MALRD1: variants seen among roughly 807,000 people sequenced by gnomAD.
MALRD1 encodes the protein MAM and LDL-receptor class A domain-containing protein 1.
In MALRD1, 247 loss-of-function variants were observed where a neutral mutation model predicts 242.1. That is an observed-to-expected ratio of 1.02 (90% confidence interval 0.92 to 1.13). The LOEUF (loss-of-function observed/expected upper bound fraction) is 1.13. Ranked by LOEUF, MALRD1 falls within the 50% of genes most tolerant of loss-of-function variation. MALRD1 has a pLI of 0.00. For missense variants in MALRD1, 2,989 were observed against 2,533.1 expected (o/e 1.18, Z -3.86); for synonymous variants, 995 against 866.6 (o/e 1.15, Z -2.60).
At chr10:19,232,534 G>T (rs1197651765) in intron 18 of MALRD1, among the ~76,000 whole-genome samples, 1 of 151,948 alleles carries the variant, frequency 6.6e-6, no homozygotes, top group African/African-American at 2.4e-5. Flanking sequence ...AGTCTCCTTG[G>T]ACTCAAACCA....
At chr10:19,489,648 G>A (rs1837395004) in intron 29 of MALRD1, among the ~76,000 whole-genome samples, 2 of 152,090 alleles carry the variant, frequency 1.3e-5, no homozygotes, top group Admixed American at 1.3e-4. Flanking sequence ...ATTGAATTAT[G>A]GGATGCTTTC....
chr10:19,571,650 A>C (rs1012641273), intron 33 of MALRD1, among the ~76,000 whole-genome samples: 1 of 152,154 alleles, frequency 6.6e-6, no homozygotes, highest in Non-Finnish European at 1.5e-5. Flanking sequence ...AGGACCTACC[A>C]CAATGAATGT....
At chr10:19,347,745 A>G in intron 24 of MALRD1, 26 bp from the exon 25 acceptor site, 4 of 1,547,682 alleles carry the variant, frequency 2.6e-6, no homozygotes, top group Non-Finnish European at 3.5e-6. Flanking sequence ...CATTTTCTGT[A>G]ACATATATTT....
At chr10:19,637,641 A>G (rs1332595659) in intron 36 of MALRD1, among the ~76,000 whole-genome samples, 1 of 152,138 alleles carries the variant, frequency 6.6e-6, no homozygotes, top group Non-Finnish European at 1.5e-5. Flanking sequence ...GAAAAAAGAA[A>G]TGCCTTAGCC....
At chr10:19,389,977 C>T (rs576398775) in intron 28 of MALRD1, among the ~76,000 whole-genome samples, 1 of 152,220 alleles carries the variant, frequency 6.6e-6, no homozygotes, top group South Asian at 2.1e-4. Context: ...CTATAGGTGG[C>T]ATGTGGCCTG....
At chr10:19,720,664 A>G (rs565959731) in intron 38 of MALRD1, among the ~76,000 whole-genome samples, 2 of 152,040 alleles carry the variant, frequency 1.3e-5, no homozygotes, top group East Asian at 1.9e-4. Context: ...CCCTTCTCCA[A>G]CTTCCTACTT....
chr10:19,347,885 A>G lies in MALRD1; in HGVS notation c.4016A>G (p.Glu1339Gly). Residue 1339 changes from glutamate (E) to glycine (G), a missense_variant, in exon 25 of 40, where the codon GAG becomes GGG. Physicochemically the swap from Glu to Gly is moderately conservative, Grantham distance 98. Transcript: ENST00000454679. ...KASSIPAAGT[E>G]PAADHTLGNS... ...AGCAGCATCCCTGCAGCAGGCACAG[A>G]GCCAGCAGCAGATCACACTTTGGGA... 2 of 1,550,444 alleles carry G rather than the reference A, an allele frequency of 1.3e-6. No homozygotes were observed. The highest frequency in any genetic ancestry group is 1.7e-6 in the Non-Finnish European group (2 of 1,146,846).
chr10:19,622,661 C>T (rs767424671), intron 36 of MALRD1, among the ~76,000 whole-genome samples: 2 of 123,162 alleles, frequency 1.6e-5, no homozygotes, highest in Non-Finnish European at 3.2e-5. Flanking sequence ...AAAAAAAAAA[C>T]AAACTATGAG....
intron 36 of MALRD1, among the ~76,000 whole-genome samples, chr10:19,670,085 C>T (rs1454992454): frequency 6.6e-6 from 1 of 151,616 alleles, no homozygotes; most frequent in Non-Finnish European, 1.5e-5. Flanking sequence ...CACACACACA[C>T]ACACACAAAC....
chr10:19,378,907 G>T (rs1417699037), intron 26 of MALRD1, among the ~76,000 whole-genome samples: 1 of 152,022 alleles, frequency 6.6e-6, no homozygotes. Flanking sequence ...TACATGTGTT[G>T]TAGAATTCAT....
At chr10:19,275,167 A>T (rs1368269069) in intron 19 of MALRD1, among the ~76,000 whole-genome samples, 1 of 152,092 alleles carries the variant, frequency 6.6e-6, no homozygotes, top group Non-Finnish European at 1.5e-5. Context: ...TTAGTGGTGG[A>T]GTCATGTATC....
intron 28 of MALRD1, among the ~76,000 whole-genome samples, chr10:19,394,884 A>G (rs1178076313): frequency 6.6e-6 from 1 of 152,202 alleles, no homozygotes; most frequent in Non-Finnish European, 1.5e-5. Flanking sequence ...TTATTTTGAT[A>G]TTGACAAGCT....
At position 19,429,824 on chromosome 10, in the gene MALRD1, G is replaced by A. The variant is rs142046360; in HGVS notation, c.4846-20483G>A. 2.3e-3 allele frequency among the ~76,000 whole-genome samples: 349 copies of A among 151,888 alleles called. 1 individual carries two copies. Among genetic ancestry groups the A allele is most frequent in the African/African-American group, 7.8e-3 (323 of 41,410 alleles). ...TTCAATGTGACCCTTCAATTCTCCC[G>A]CTTATTCCAAGGCCATGCCTACTCT... On this transcript the variant is annotated intron_variant, in intron 28 of 39. Transcript: ENST00000454679.
chr10:19,135,182 T>C (rs1833286285), intron 9 of MALRD1, among the ~76,000 whole-genome samples: 1 of 152,036 alleles, frequency 6.6e-6, no homozygotes, highest in African/African-American at 2.4e-5. Flanking sequence ...TGAAATGGAG[T>C]CTTGCTCTGT....
intron 26 of MALRD1, among the ~76,000 whole-genome samples, chr10:19,384,141 T>TA (rs1845954634): frequency 6.6e-6 from 1 of 150,962 alleles, no homozygotes; most frequent in African/African-American, 2.4e-5. Context: ...CATCCTTTCA[T>TA]ATATACATAT....
chr10:19,386,620 C>A (rs1461739398), intron 26 of MALRD1, among the ~76,000 whole-genome samples: 1 of 152,016 alleles, frequency 6.6e-6, no homozygotes, highest in African/African-American at 2.4e-5. Context: ...TTCCCTCATT[C>A]ATGTATTTGA....
At position 19,237,684 on chromosome 10, in the gene MALRD1, TTATA is replaced by T. The variant is rs1372203632; in HGVS notation, c.2992-19995_2992-19992del. Among the ~76,000 whole-genome samples, 290 of 120,498 alleles carry T rather than the reference TTATA, an allele frequency of 2.4e-3. 2 individuals carry two copies. The highest frequency in any genetic ancestry group is 7.4e-3 in the Admixed American group (70 of 9,472). The allele number at this position is 120,498 out of a possible 152,430, so 79.1% of individuals were successfully genotyped here. A position where few individuals can be genotyped will look rare whatever the true frequency, so the allele number is the denominator to read the frequency against. On this transcript the variant is annotated intron_variant, in intron 18 of 39. Coordinates refer to ENST00000454679, the MANE Select transcript of MALRD1 (RefSeq NM_001142308.3). ...TATAAATTATATAATTATATATAAT[TTATA>T]TATAAATACATAATTATATATATAT...
chr10:19,477,372 C>T (rs538114138), intron 29 of MALRD1, among the ~76,000 whole-genome samples: 2 of 152,086 alleles, frequency 1.3e-5, no homozygotes, highest in South Asian at 4.1e-4. Flanking sequence ...TTCAAAGTTA[C>T]TTGGGGGATT....
chr10:19,504,928 C>T (rs899349694), intron 31 of MALRD1, among the ~76,000 whole-genome samples: 2 of 151,168 alleles, frequency 1.3e-5, no homozygotes, highest in Admixed American at 6.6e-5. Flanking sequence ...ATGATCCACC[C>T]GCCTCGGCCT....
Sources: allele counts gnomAD v4.1 joint callset (sites outside exome capture counted in the v4.1 genomes callset), GRCh38; gene constraint gnomAD v4.1.1; transcripts MANE v1.5; gene names NCBI Gene and HGNC (gene_info 2026-07-23, HGNC 2026-07-21).